PRKDC: variants seen among roughly 807,000 people sequenced by gnomAD.
The protein encoded by PRKDC is protein kinase, DNA-activated, catalytic subunit.
A neutral mutation model predicts 486.9 loss-of-function variants in PRKDC; 82 were observed. That is an observed-to-expected ratio of 0.17 (90% CI 0.14 to 0.20). The LOEUF is 0.20. Ranked by LOEUF, PRKDC falls within the 10% of genes least tolerant of loss-of-function variation. The pLI, the probability that PRKDC is intolerant of heterozygous loss-of-function variation, is 1.00. For missense variants in PRKDC, 4,504 were observed against 5,038.2 expected (o/e 0.89, Z 3.21); for synonymous variants, 1,895 against 1,837.0 (o/e 1.03, Z -0.81).
chr8:47,948,014 T>C (rs2090562645), intron 7 of PRKDC, among the ~76,000 whole-genome samples: 1 of 151,240 alleles, frequency 6.6e-6, no homozygotes, highest in South Asian at 2.1e-4. Flanking sequence ...GCCCAGGAGG[T>C]TGAGGATGCA....
chr8:47,845,352 A>G (rs932684751), intron 54 of PRKDC, among the ~76,000 whole-genome samples: 3 of 152,232 alleles, frequency 2.0e-5, no homozygotes, highest in African/African-American at 7.2e-5. Context: ...CCAAAAGTTG[A>G]TTATTTGAAA....
intron 54 of PRKDC, among the ~76,000 whole-genome samples, chr8:47,845,296 T>C (rs983694855): frequency 2.6e-5 from 4 of 152,004 alleles, no homozygotes; most frequent in African/African-American, 7.2e-5. Context: ...CAGAGTGGAA[T>C]TGAATGAAAT....
At chr8:47,903,209 T>G (rs2089718577) in intron 26 of PRKDC, among the ~76,000 whole-genome samples, 1 of 152,184 alleles carries the variant, frequency 6.6e-6, no homozygotes, top group Non-Finnish European at 1.5e-5. Flanking sequence ...AATAAGACCC[T>G]TTGAAGTTCC....
Position 47,782,508 on chromosome 8 carries a change from C to A in PRKDC, c.11266G>T (p.Glu3756Ter). 6.3e-7 allele frequency: 1 copy of A among 1,577,234 alleles called. No homozygotes were observed. The highest frequency in any genetic ancestry group is 8.6e-7 in the Non-Finnish European group (1 of 1,161,854). ...REHPFLVKGG[E>*]DLRQDQRVEQ... is the part of the protein sequence containing the mutation. ...ACGCGCTGGTCCTGCCGCAGGTCCT[C>A]GCCACCCTTCACCAGGAAAGGGTGT... Residue 3756 changes from glutamate to a stop codon, truncating the protein, a stop_gained, in exon 79 of 86, where the codon GAG (glutamate) becomes TAG (stop). Transcript: ENST00000314191. LOFTEE classifies it high-confidence loss of function. The surrounding 1 kb of genome is among the most constrained non-coding windows in gnomAD (Gnocchi z 4.9).
At chr8:47,959,504 C>G (rs1288893748) in intron 1 of PRKDC, among the ~76,000 whole-genome samples, 2 of 151,764 alleles carry the variant, frequency 1.3e-5, no homozygotes, top group Non-Finnish European at 1.5e-5. Flanking sequence ...TGGTGAAACC[C>G]CATCTCTACT....
At chr8:47,900,966 A>G (rs1250526452) in intron 27 of PRKDC, among the ~76,000 whole-genome samples, 4 of 151,768 alleles carry the variant, frequency 2.6e-5, no homozygotes, top group Admixed American at 1.3e-4. Flanking sequence ...TGGGCAACAA[A>G]GTGACACCCT....
At chr8:47,887,255 CAT>C (rs763238924) in intron 35 of PRKDC, among the ~76,000 whole-genome samples, 3 of 152,318 alleles carry the variant, frequency 2.0e-5, no homozygotes, top group East Asian at 1.9e-4. Context: ...GAAGAGGCCA[CAT>C]GTCAACATGA....
intron 56 of PRKDC, among the ~76,000 whole-genome samples, chr8:47,838,184 T>C (rs1010963927): frequency 2.0e-5 from 3 of 152,028 alleles, no homozygotes; most frequent in Non-Finnish European, 4.4e-5. Flanking sequence ...TGCACATACA[T>C]ACATACATAC....
chr8:47,795,206 TC>T (rs2086958211), intron 73 of PRKDC, among the ~76,000 whole-genome samples: 1 of 148,342 alleles, frequency 6.7e-6, no homozygotes, highest in African/African-American at 2.5e-5. Context: ...TTTTTTTTTT[TC>T]TTGAGACAGA....
intron 39 of PRKDC, among the ~76,000 whole-genome samples, chr8:47,878,174 G>A (rs193126092): frequency 1.4e-5 from 2 of 146,280 alleles, no homozygotes; most frequent in African/African-American, 2.5e-5. Flanking sequence ...ACACGATCTC[G>A]GCTCACTGCA....
intron 61 of PRKDC, among the ~76,000 whole-genome samples, chr8:47,829,659 C>T (rs1459914328): frequency 6.6e-6 from 1 of 152,026 alleles, no homozygotes; most frequent in African/African-American, 2.4e-5. Flanking sequence ...ATCAAAAGCA[C>T]AATCCCGTTT....
chr8:47,831,786 C>G (rs2087882738), intron 60 of PRKDC, 28 bp downstream of exon 60: 1 of 1,605,798 alleles, frequency 6.2e-7, no homozygotes, highest in South Asian at 1.1e-5. Context: ...CTGCATCGTT[C>G]TGATCAAATT....
chr8:47,857,146 C>T lies in PRKDC; in HGVS notation c.6609+10G>A, dbSNP rs760338785. 1.2e-5 allele frequency: 20 copies of T among 1,611,372 alleles called. 1 individual carries two copies. The South Asian group carries it at 2.1e-4, about 17-fold the overall frequency. On this transcript the variant is annotated intron_variant, in intron 49 of 85. Transcript: ENST00000314191. ...TAATATATTAACATAAAAGATGCAT[C>T]AATCCTTACTGTTGGAGTGGCCAAG...
chr8:47,915,283 G>T, intron 23 of PRKDC, 45 bp downstream of exon 23: 2 of 1,154,586 alleles, frequency 1.7e-6, no homozygotes, highest in Non-Finnish European at 2.4e-6. Context: ...CCAAATAAAA[G>T]CACAAATATA....
intron 36 of PRKDC, among the ~76,000 whole-genome samples, chr8:47,883,124 T>G (rs776282838): frequency 8.5e-5 from 13 of 152,308 alleles, no homozygotes; most frequent in Admixed American, 3.9e-4. Context: ...AGGGACCTCT[T>G]GGGGATCTGG....
intron 70 of PRKDC, among the ~76,000 whole-genome samples, chr8:47,802,408 C>A (rs1406579007): frequency 6.6e-6 from 1 of 152,084 alleles, no homozygotes; most frequent in African/African-American, 2.4e-5. Context: ...GGGACCAAAC[C>A]CAAACCTGTA....
At chr8:47,815,316 C>G (rs932308620) in intron 68 of PRKDC, among the ~76,000 whole-genome samples, 1 of 152,050 alleles carries the variant, frequency 6.6e-6, no homozygotes, top group Non-Finnish European at 1.5e-5. Flanking sequence ...AAAAAATTGC[C>G]AAGGTGACTC....
At chr8:47,884,344 C>T (rs978985765) in intron 36 of PRKDC, among the ~76,000 whole-genome samples, 4 of 152,214 alleles carry the variant, frequency 2.6e-5, no homozygotes, top group Non-Finnish European at 4.4e-5. Context: ...GGGCTCAGCA[C>T]GTGTGGACCC....
chr8:47,821,802 A>G lies in PRKDC; in HGVS notation c.8923-10T>C. 1 of 1,524,122 alleles carries G rather than the reference A, an allele frequency of 6.6e-7. No individual in the cohort carries two copies. Among genetic ancestry groups the G allele is most frequent in the Non-Finnish European group, 8.7e-7 (1 of 1,143,240 alleles). 94.4% of individuals were successfully genotyped at this position (1,524,122 alleles called of 1,614,324 possible). A position where few individuals can be genotyped will look rare whatever the true frequency, so the allele number is the denominator to read the frequency against. On this transcript the variant is annotated splice_polypyrimidine_tract_variant and intron_variant, in intron 64 of 85. Coordinates refer to ENST00000314191, the MANE Select transcript of PRKDC (RefSeq NM_006904.7). ...CTTGTTTATTGAGAGCCTAGTGGAG[A>G]AAAGTTAATAAAATTATTTTACAAA...
Sources: allele counts gnomAD v4.1 joint callset (sites outside exome capture counted in the v4.1 genomes callset), GRCh38; gene constraint gnomAD v4.1.1; non-coding constraint Gnocchi (gnomAD v3.1); transcripts MANE v1.5; gene names NCBI Gene and HGNC (gene_info 2026-07-23, HGNC 2026-07-21).